Variants in ZNF721 observed in about 807,000 individuals in gnomAD.
ZNF721 encodes zinc finger protein 721.
In ZNF721, 2 loss-of-function variants were observed where a neutral mutation model predicts 2.4. The ratio of observed to expected loss-of-function variants is 0.82; its 90% CI spans 0.34 to 2.58. The LOEUF (loss-of-function observed/expected upper bound fraction) is 2.58. Among genes scored for constraint, ZNF721 ranks in the 30% most tolerant of loss-of-function variants. ZNF721 has a pLI of 0.11. For missense variants in ZNF721, 1,187 were observed against 1,085.5 expected (o/e 1.09, Z -1.31); for synonymous variants, 398 against 381.8 (o/e 1.04, Z -0.50).
intron 1 of ZNF721, chr4:474,014 A>C: frequency 6.7e-7 from 1 of 1,503,180 alleles, no homozygotes; most frequent in Non-Finnish European, 9.0e-7. Flanking sequence ...GCGAAGTCTT[A>C]GCTACGAATC....
chr4:442,558 C>T lies in ZNF721; in HGVS notation c.1909G>A (p.Gly637Arg). ...DLNQQKKIYT[G>R]EKPYKCEECG... Reference sequence around the variant, plus strand: ...TCTTCACATTTGTAAGGTTTCTCCCCAGTGTAAATTTTCTTCTGTTGATTC... The same window carrying T: ...TCTTCACATTTGTAAGGTTTCTCCCTAGTGTAAATTTTCTTCTGTTGATTC... The change falls in exon 3 of 3, where the codon GGG (glycine) becomes AGG (arginine). Residue 637 changes from glycine to arginine, a missense_variant. By Grantham distance (125) the Gly-to-Arg change is moderately radical. Transcript: ENST00000511833. 6.2e-7 allele frequency: 1 copy of T among 1,613,728 alleles called. No homozygotes were observed. The highest frequency in any genetic ancestry group is 8.5e-7 in the Non-Finnish European group (1 of 1,179,860).
At chr4:459,673 T>C (rs1043538328) in intron 2 of ZNF721, among the ~76,000 whole-genome samples, 63 of 151,796 alleles carry the variant, frequency 4.2e-4, no homozygotes, top group African/African-American at 1.5e-3. Flanking sequence ...CTACTAAAAA[T>C]ACAAAAAATT....
At chr4:484,697 C>T (rs147563750) in intron 1 of ZNF721, among the ~76,000 whole-genome samples, 3,779 of 152,232 alleles carry the variant, frequency 0.025, 47 homozygotes, top group Middle Eastern at 0.058. Context: ...TTGGTCAGAC[C>T]GGTTGATCTC....
intron 1 of ZNF721, among the ~76,000 whole-genome samples, chr4:477,323 C>T (rs546156389): frequency 1.3e-5 from 2 of 148,754 alleles, no homozygotes; most frequent in Admixed American, 6.8e-5. Context: ...CTGCAAGCTC[C>T]GCCTCCTGGG....
In ZNF721 at chr4:451,699, TTG is replaced by T. The variant is rs1389907163; in HGVS notation, c.35-7269_35-7268del. Among the ~76,000 whole-genome samples, 5 of 152,234 alleles carry T rather than the reference TTG, an allele frequency of 3.3e-5. No individual in the cohort carries two copies. In the East Asian group the frequency reaches 9.6e-4, roughly 29 times the overall value. On this transcript the variant is annotated intron_variant, in intron 2 of 2. Coordinates refer to ENST00000511833, the MANE Select transcript of ZNF721 (RefSeq NM_133474.4). ...TAAAGGTTGTTTATCCTTAAAGGTA[TTG>T]TGTGTGTGTCTTCTTCTCCCCTAAC...
Position 442,169 on chromosome 4 carries a change from TGA to T in ZNF721, c.2296_2297del (p.Ser766ThrfsTer4). 1.9e-6 allele frequency: 3 copies of T among 1,612,934 alleles called. No homozygotes were observed. The highest frequency in any genetic ancestry group is 2.5e-6 in the Non-Finnish European group (3 of 1,179,192). ...KECGKVFKQS[S>X]HLNRHEKIHT... Reference sequence around the variant, plus strand: ...GAATTTTCTCATGTCTATTCAGGTGTGAGGACTGTTTAAACACTTTCCCACAT... The same window carrying T: ...GAATTTTCTCATGTCTATTCAGGTGTGGACTGTTTAAACACTTTCCCACAT... On this transcript the variant is annotated frameshift_variant, in exon 3 of 3. Transcript: ENST00000511833. LOFTEE classifies it low-confidence loss of function (END_TRUNC).
chr4:481,950 G>A (rs782425156), intron 1 of ZNF721, among the ~76,000 whole-genome samples: 5 of 152,152 alleles, frequency 3.3e-5, no homozygotes, highest in African/African-American at 4.8e-5. Flanking sequence ...CATATAAAAT[G>A]TTACTTAATT....
chr4:489,969 C>CCT (rs1715982184), intron 1 of ZNF721, among the ~76,000 whole-genome samples: 1 of 152,024 alleles, frequency 6.6e-6, no homozygotes, highest in Non-Finnish European at 1.5e-5. Context: ...AAGCAATTCT[C>CCT]CTGCCTCAGC....
chr4:485,874 C>T (rs1553870240), intron 1 of ZNF721, among the ~76,000 whole-genome samples: 1 of 152,104 alleles, frequency 6.6e-6, no homozygotes, highest in African/African-American at 2.4e-5. Context: ...ACTTGGGAGG[C>T]TGAGGCAGGA....
intron 2 of ZNF721, among the ~76,000 whole-genome samples, chr4:458,943 TAACAGC>T (rs1714933597): frequency 6.6e-6 from 1 of 152,048 alleles, no homozygotes; most frequent in African/African-American, 2.4e-5. Context: ...CCCATCAGAC[TAACAGC>T]AGATCTCTCT....
rs1423473959 is a variant in ZNF721 at position 499,077 on chromosome 4, C to T, written c.-115G>A. 1.9e-6 allele frequency: 1 copy of T among 535,974 alleles called. No homozygotes were observed. The highest frequency in any genetic ancestry group is 3.3e-6 in the Non-Finnish European group (1 of 307,034). 33.2% of individuals were successfully genotyped at this position (535,974 alleles called of 1,614,324 possible). On this transcript the variant is annotated 5_prime_UTR_variant, in exon 1 of 3. Coordinates refer to ENST00000511833, the MANE Select transcript of ZNF721 (RefSeq NM_133474.4). ...GTACCTCGCCGTGGGCGGCGACCGT[C>T]GCGGACTCGCCGGGAAGACGGCCCC... is the stretch of plus-strand genomic sequence containing the variant.
chr4:484,986 G>A (rs1715858883), intron 1 of ZNF721, among the ~76,000 whole-genome samples: 1 of 152,090 alleles, frequency 6.6e-6, no homozygotes, highest in East Asian at 1.9e-4. Context: ...CAGACACCCA[G>A]CTTTAAAATT....
Position 472,674 on chromosome 4 carries a change from T to G in ZNF721, c.-66A>C. On this transcript the variant is annotated 5_prime_UTR_variant, in exon 2 of 3. Coordinates refer to ENST00000511833, the MANE Select transcript of ZNF721 (RefSeq NM_133474.4). ...TTCCACTCTTCTGGAGAGAATTCTA[T>G]GGCCACATCCCTGAATGTTAAGGGT... The G allele has an allele frequency of 6.2e-7, 1 of 1,613,474 alleles. No homozygotes were observed. Among genetic ancestry groups the G allele is most frequent in the Non-Finnish European group, 8.5e-7 (1 of 1,179,920 alleles).
intron 1 of ZNF721, among the ~76,000 whole-genome samples, chr4:486,595 AG>A (rs1715903960): frequency 1.3e-5 from 2 of 152,246 alleles, no homozygotes. Context: ...AAAAAGCAGC[AG>A]CCCTATTGCT....
At chr4:448,178 A>C (rs1553864404) in intron 2 of ZNF721, among the ~76,000 whole-genome samples, 1 of 152,184 alleles carries the variant, frequency 6.6e-6, no homozygotes, top group Non-Finnish European at 1.5e-5. Flanking sequence ...TCTTAACAGA[A>C]GTTTTTAAAA....
At chr4:480,412 A>C (rs1257499019) in intron 1 of ZNF721, among the ~76,000 whole-genome samples, 1 of 152,232 alleles carries the variant, frequency 6.6e-6, no homozygotes, top group African/African-American at 2.4e-5. Context: ...AACTGTCAGA[A>C]AAACTCAAAA....
intron 2 of ZNF721, among the ~76,000 whole-genome samples, chr4:465,859 ACAACT>A (rs1161888817): frequency 6.6e-6 from 1 of 152,134 alleles, no homozygotes; most frequent in African/African-American, 2.4e-5. Context: ...TAGAAACAAA[ACAACT>A]CAACACTACA....
chr4:467,979 A>G (rs1553866973), intron 2 of ZNF721, among the ~76,000 whole-genome samples: 1 of 151,456 alleles, frequency 6.6e-6, no homozygotes, highest in Admixed American at 6.6e-5. Context: ...TACTAAAAAT[A>G]CAAAAAATTA....
chr4:455,482 GT>G (rs1400343354), intron 2 of ZNF721, among the ~76,000 whole-genome samples: 1 of 152,128 alleles, frequency 6.6e-6, no homozygotes, highest in Non-Finnish European at 1.5e-5. Flanking sequence ...CAGGAGAATC[GT>G]TTGAATCTGG....
Sources: allele counts gnomAD v4.1 joint callset (sites outside exome capture counted in the v4.1 genomes callset), GRCh38; gene constraint gnomAD v4.1.1; transcripts MANE v1.5; gene names NCBI Gene and HGNC (gene_info 2026-07-23, HGNC 2026-07-21).